Variants in SH3KBP1 observed in about 807,000 individuals in gnomAD.
SH3KBP1 encodes SH3 domain containing kinase binding protein 1, also known as SH3 domain-containing kinase-binding protein 1.
A neutral mutation model predicts 50.1 loss-of-function variants in SH3KBP1; 8 were observed. The ratio of observed to expected loss-of-function variants is 0.16; its 90% confidence interval spans 0.09 to 0.29. SH3KBP1 has a LOEUF of 0.29. Ranked by LOEUF, SH3KBP1 falls within the 10% of genes least tolerant of loss-of-function variation. The probability of loss-of-function intolerance (pLI) is 1.00; values close to 1 mark genes in which losing one functional copy is unlikely to be tolerated. For synonymous variants in SH3KBP1, 227 were observed against 218.6 expected (o/e 1.04, Z -0.34); for missense variants, 377 against 535.2 (o/e 0.70, Z 2.92).
intron 8 of SH3KBP1, among the ~76,000 whole-genome samples, chrX:19,628,046 G>A (rs1409639946): frequency 8.9e-6 from 1 of 112,482 alleles, no homozygotes; most frequent in Non-Finnish European, 1.9e-5. Flanking sequence ...CTTAGAGGAA[G>A]AGTAACAATC....
At chrX:19,854,594 G>A (rs1483790133) in intron 1 of SH3KBP1, among the ~76,000 whole-genome samples, 2 of 111,601 alleles carry the variant, frequency 1.8e-5, no homozygotes, top group Non-Finnish European at 3.8e-5. Context: ...GATATTATGG[G>A]TTTGAGGAAG....
chrX:19,771,864 C>A (rs868560671), intron 2 of SH3KBP1, among the ~76,000 whole-genome samples: 205 of 72,959 alleles, frequency 2.8e-3, no homozygotes, highest in South Asian at 4.4e-3. Flanking sequence ...AACTCCGTCT[C>A]AAAAAAAAAA....
intron 7 of SH3KBP1, among the ~76,000 whole-genome samples, chrX:19,642,488 G>A (rs1179285385): frequency 1.8e-5 from 2 of 112,246 alleles, no homozygotes; most frequent in Non-Finnish European, 3.8e-5. Context: ...TTATGCAGAA[G>A]CCTGATCTGC....
chrX:19,814,411 A>C (rs1326266320), intron 2 of SH3KBP1, among the ~76,000 whole-genome samples: 1 of 110,846 alleles, frequency 9.0e-6, no homozygotes, highest in Non-Finnish European at 1.9e-5. Context: ...ACTCAGAGTC[A>C]CAAGTCACAA....
chrX:19,551,738 G>A (rs953907249), intron 13 of SH3KBP1, among the ~76,000 whole-genome samples: 9 of 108,655 alleles, frequency 8.3e-5, no homozygotes, highest in Admixed American at 6.9e-4. Flanking sequence ...GCCCAGGCTG[G>A]AGAAACTTAT....
At chrX:19,572,026 C>T (rs1274463848) in intron 12 of SH3KBP1, among the ~76,000 whole-genome samples, 1 of 110,435 alleles carries the variant, frequency 9.1e-6, no homozygotes, top group East Asian at 2.8e-4. Flanking sequence ...AATCTGGGAG[C>T]TGCTGTTTCC....
At chrX:19,560,940 G>A (rs2065654759) in intron 13 of SH3KBP1, among the ~76,000 whole-genome samples, 1 of 108,527 alleles carries the variant, frequency 9.2e-6, no homozygotes, top group Admixed American at 1.0e-4. Flanking sequence ...TGGGCATGGT[G>A]GTGCACACCT....
chrX:19,600,088 T>G (rs1340145119), intron 9 of SH3KBP1, among the ~76,000 whole-genome samples: 1 of 58,253 alleles, frequency 1.7e-5, no homozygotes, highest in African/African-American at 8.4e-5. Flanking sequence ...TGGGCGAGAC[T>G]CCGTCTCAAA....
chrX:19,835,582 A>AT (rs368097754), intron 2 of SH3KBP1, among the ~76,000 whole-genome samples: 1,106 of 97,299 alleles, frequency 0.011, 13 homozygotes, highest in African/African-American at 0.03. Flanking sequence ...AGCCTTTACT[A>AT]TTTTTTTTTT....
At chrX:19,703,744 G>GTA (rs2063584363) in intron 4 of SH3KBP1, among the ~76,000 whole-genome samples, 1 of 100,439 alleles carries the variant, frequency 1.0e-5, no homozygotes, top group East Asian at 3.2e-4. Flanking sequence ...GTGTGTGTGT[G>GTA]TGTGTGTGTG....
At chrX:19,627,190 G>A (rs1208730504) in intron 8 of SH3KBP1, among the ~76,000 whole-genome samples, 1 of 112,289 alleles carries the variant, frequency 8.9e-6, no homozygotes, top group Non-Finnish European at 1.9e-5. Flanking sequence ...AGGAATGGCT[G>A]TTGCTCTGAG....
intron 8 of SH3KBP1, among the ~76,000 whole-genome samples, chrX:19,621,241 A>ATTTTTTT (rs35328957): frequency 1.5e-5 from 1 of 64,584 alleles, no homozygotes; most frequent in Non-Finnish European, 2.9e-5. Context: ...CACCTGGCTA[A>ATTTTTTT]TTTTTTTTTT....
At chrX:19,572,703 GA>G (rs921892626) in intron 12 of SH3KBP1, among the ~76,000 whole-genome samples, 1 of 110,825 alleles carries the variant, frequency 9.0e-6, no homozygotes, top group Non-Finnish European at 1.9e-5. Flanking sequence ...TTGTAATGAA[GA>G]AAAACTGAAA....
intron 12 of SH3KBP1, among the ~76,000 whole-genome samples, chrX:19,581,715 T>C (rs919730145): frequency 9.0e-6 from 1 of 110,521 alleles, no homozygotes; most frequent in African/African-American, 3.3e-5. Context: ...ACATCTGCCC[T>C]TCCCTATGCA....
At chrX:19,761,665 T>A (rs2065438980) in intron 2 of SH3KBP1, among the ~76,000 whole-genome samples, 1 of 111,247 alleles carries the variant, frequency 9.0e-6, no homozygotes, top group Non-Finnish European at 1.9e-5. Context: ...CAGCAAATAG[T>A]AGAAGCAACA....
At chrX:19,830,233 G>C (rs182191292) in intron 2 of SH3KBP1, among the ~76,000 whole-genome samples, 2 of 109,569 alleles carry the variant, frequency 1.8e-5, no homozygotes, top group East Asian at 5.7e-4. Context: ...TGGTTCCAAC[G>C]ACTCTGACAT....
chrX:19,622,750 G>C (rs2067875670), intron 8 of SH3KBP1, among the ~76,000 whole-genome samples: 1 of 112,351 alleles, frequency 8.9e-6, no homozygotes, highest in South Asian at 3.6e-4. Context: ...GCATAAAAGA[G>C]GATTGTCGAG....
chrX:19,587,214 C>T (rs1434975200), intron 12 of SH3KBP1, among the ~76,000 whole-genome samples: 5 of 97,709 alleles, frequency 5.1e-5, no homozygotes, highest in Non-Finnish European at 8.1e-5. Context: ...AAGAGCGAAA[C>T]TCTGCCTCAA....
At chrX:19,566,025 A>G (rs757109026) in intron 13 of SH3KBP1, among the ~76,000 whole-genome samples, 16 of 108,265 alleles carry the variant, frequency 1.5e-4, no homozygotes, top group Non-Finnish European at 2.7e-4. Context: ...CCCGGGTTCA[A>G]GCGATTCTCC....
Sources: gnomAD v4.1 joint callset for allele counts (sites outside exome capture counted in the v4.1 genomes callset) on GRCh38, gnomAD v4.1.1 for gene constraint, MANE v1.5 for transcripts, NCBI Gene and HGNC (gene_info 2026-07-23, HGNC 2026-07-21) for gene names.